MYO6: variants seen among roughly 807,000 people sequenced by gnomAD.
MYO6 encodes unconventional myosin-VI.
In MYO6, 74 loss-of-function variants were observed where a neutral mutation model predicts 178.7. The observed-to-expected ratio is 0.41, with a 90% confidence interval of 0.34 to 0.50. The LOEUF (loss-of-function observed/expected upper bound fraction) is 0.50. MYO6 is among the 20% of genes least tolerant of loss of function. The pLI is 0.09. For missense variants in MYO6, 1,330 were observed against 1,547.4 expected, an observed-to-expected ratio of 0.86 and a Z score of 2.36; for synonymous variants, 477 against 504.6, an observed-to-expected ratio of 0.95 and a Z score of 0.73.
intron 19 of MYO6, 35 bp downstream of exon 19, chr6:75,870,720 G>C (rs766507965): frequency 1.3e-6 from 2 of 1,566,150 alleles, no homozygotes; most frequent in Admixed American, 1.7e-5. Flanking sequence ...GGTTTTTATG[G>C]GTCATCTAAA....
At chr6:75,826,710 C>A (rs2150199320) in intron 3 of MYO6, among the ~76,000 whole-genome samples, 1 of 152,256 alleles carries the variant, frequency 6.6e-6, no homozygotes, top group Admixed American at 6.5e-5. Context: ...CTATATCCTT[C>A]CTTAATTCAA....
intron 4 of MYO6, 52 bp downstream of exon 4, chr6:75,828,665 G>A (rs995172916): frequency 1.8e-6 from 2 of 1,121,044 alleles, no homozygotes; most frequent in African/African-American, 3.1e-5. Flanking sequence ...TATTTCATGT[G>A]GTACTCTTTG....
rs1014887515 is a variant in MYO6 at position 75,906,485 on chromosome 6, G to A, written c.3177-1120G>A. ...GAGCTCAGGAGTTCGAGACCAGCCTGGGCAACATGGCAAGACCCCATCTCT... is the reference window on the plus strand; with the variant it reads ...GAGCTCAGGAGTTCGAGACCAGCCTAGGCAACATGGCAAGACCCCATCTCT... On this transcript the variant is annotated intron_variant, in intron 30 of 34. Transcript: ENST00000369977. Among the ~76,000 whole-genome samples, 3 of 152,174 alleles carry A rather than the reference G, an allele frequency of 2.0e-5. No homozygotes were observed. The South Asian group carries it at 6.2e-4, about 32-fold the overall frequency.
chr6:75,860,258 A>C (rs1396009839), intron 14 of MYO6, among the ~76,000 whole-genome samples: 3 of 152,150 alleles, frequency 2.0e-5, no homozygotes, highest in African/African-American at 7.2e-5. Context: ...TGTACATTTT[A>C]CTTACATTCT....
At chr6:75,911,067 T>G (rs1302097099) in intron 32 of MYO6, among the ~76,000 whole-genome samples, 1 of 152,082 alleles carries the variant, frequency 6.6e-6, no homozygotes, top group Non-Finnish European at 1.5e-5. Context: ...TTCATCTCAT[T>G]TACTGCAGAG....
chr6:75,785,927 T>G (rs1767515520), intron 1 of MYO6, among the ~76,000 whole-genome samples: 1 of 151,974 alleles, frequency 6.6e-6, no homozygotes, highest in African/African-American at 2.4e-5. Flanking sequence ...TAAAACAATT[T>G]TTTTTTGAGA....
intron 23 of MYO6, among the ~76,000 whole-genome samples, chr6:75,885,332 A>C (rs1369784763): frequency 6.6e-6 from 1 of 152,186 alleles, no homozygotes; most frequent in Non-Finnish European, 1.5e-5. Context: ...TCAGGAATTC[A>C]AGACCAGCCT....
chr6:75,841,502 A>G, intron 9 of MYO6, 124 bp downstream of exon 9: 4 of 879,642 alleles, frequency 4.5e-6, no homozygotes, highest in Non-Finnish European at 7.0e-6. Context: ...CAGCCTGGGC[A>G]ATGTAGCGAG....
intron 1 of MYO6, among the ~76,000 whole-genome samples, chr6:75,781,402 C>G (rs1043722468): frequency 5.9e-5 from 9 of 152,110 alleles, no homozygotes. Flanking sequence ...GGAATGGTGA[C>G]TCTTCAGTGG....
intron 1 of MYO6, among the ~76,000 whole-genome samples, chr6:75,792,820 G>T (rs554476547): frequency 6.6e-6 from 1 of 152,170 alleles, no homozygotes; most frequent in South Asian, 2.1e-4. Context: ...ATCTCGCTCT[G>T]TTGCCCAGGC....
Position 75,804,214 on chromosome 6 carries a change from C to T in MYO6, c.-47-13287C>T, listed in dbSNP as rs907558412. ...AAATGTTTTTGAGAATGATTCAATTCCTGAACTTTGGTTCGGGAACCGAAA... is the reference window on the plus strand; with the variant it reads ...AAATGTTTTTGAGAATGATTCAATTTCTGAACTTTGGTTCGGGAACCGAAA... On this transcript the variant is annotated intron_variant, in intron 1 of 34. Coordinates refer to ENST00000369977, the MANE Select transcript of MYO6 (RefSeq NM_004999.4). Among the ~76,000 whole-genome samples the T allele has an allele frequency of 3.3e-5, 5 of 152,304 alleles. 1 individual carries two copies. Among genetic ancestry groups the T allele is most frequent in the African/African-American group, 1.2e-4 (5 of 41,572 alleles).
intron 20 of MYO6, among the ~76,000 whole-genome samples, chr6:75,879,342 T>C (rs920810829): frequency 6.6e-6 from 1 of 151,876 alleles, no homozygotes; most frequent in Non-Finnish European, 1.5e-5. Context: ...CTCCTTTGGC[T>C]CAGATGATCC....
Position 75,760,845 on chromosome 6 carries a change from C to T in MYO6, c.-48+11422C>T, listed in dbSNP as rs150233536. ...TTTGACACTGATGGAATCAGTATCCCGCAGGAGATATTTGAGGCTCTTAGT... is the reference window on the plus strand; with the variant it reads ...TTTGACACTGATGGAATCAGTATCCTGCAGGAGATATTTGAGGCTCTTAGT... On this transcript the variant is annotated intron_variant, in intron 1 of 34. Coordinates refer to ENST00000369977, the MANE Select transcript of MYO6 (RefSeq NM_004999.4). Among the ~76,000 whole-genome samples, 458 of 151,922 alleles carry T rather than the reference C, an allele frequency of 3.0e-3. 2 individuals are homozygous for T. Among genetic ancestry groups the T allele is most frequent in the African/African-American group, 1.0e-2 (413 of 41,446 alleles).
In MYO6 at chr6:75,760,409, T is replaced by C. The variant is rs989764835; in HGVS notation, c.-48+10986T>C. On this transcript the variant is annotated intron_variant, in intron 1 of 34. Transcript: ENST00000369977. ...CCCAAAACAATTAGATTATGACTTA[T>C]ATTTTCTTTCTTCTCTTGAGGATTC... Among the ~76,000 whole-genome samples the C allele has an allele frequency of 7.2e-5, 11 of 152,154 alleles. No homozygotes were observed. In the South Asian group the frequency reaches 8.3e-4, roughly 11 times the overall value.
At chr6:75,862,914 A>G (rs1035154286) in intron 16 of MYO6, among the ~76,000 whole-genome samples, 191 bp downstream of exon 16, 3 of 152,014 alleles carry the variant, frequency 2.0e-5, no homozygotes, top group African/African-American at 7.3e-5. Flanking sequence ...TAGTCAAGAG[A>G]CTTTTTCTCT....
chr6:75,902,819 G>GGA, intron 30 of MYO6, among the ~76,000 whole-genome samples: 1 of 151,014 alleles, frequency 6.6e-6, no homozygotes, highest in Non-Finnish European at 1.5e-5. Context: ...TGTGATGTTA[G>GGA]GGTGTCAATT....
chr6:75,905,392 G>A (rs974119482), intron 30 of MYO6, among the ~76,000 whole-genome samples: 9 of 152,164 alleles, frequency 5.9e-5, no homozygotes, highest in Non-Finnish European at 7.3e-5. Context: ...AGGACCCTCC[G>A]AGCCATGTGC....
chr6:75,816,594 A>G (rs1771272907), intron 1 of MYO6, among the ~76,000 whole-genome samples: 1 of 152,228 alleles, frequency 6.6e-6, no homozygotes, highest in Non-Finnish European at 1.5e-5. Context: ...ACTGTATGTC[A>G]GTTTTACCTC....
At chr6:75,774,950 C>T (rs573857542) in intron 1 of MYO6, among the ~76,000 whole-genome samples, 3 of 152,128 alleles carry the variant, frequency 2.0e-5, no homozygotes, top group African/African-American at 4.8e-5. Context: ...CATGCCACCA[C>T]ACCTGGCTAA....
Sources: gnomAD v4.1 joint callset for allele counts (sites outside exome capture counted in the v4.1 genomes callset) on GRCh38, gnomAD v4.1.1 for gene constraint, MANE v1.5 for transcripts, NCBI Gene and HGNC (gene_info 2026-07-23, HGNC 2026-07-21) for gene names.